Variants in GVQW3 observed in about 807,000 individuals in gnomAD.
GVQW3 encodes GVQW motif containing 3.
A neutral mutation model predicts 12.5 loss-of-function variants in GVQW3; 7 were observed. The observed-to-expected ratio is 0.56, with a 90% CI of 0.32 to 1.05. The LOEUF (loss-of-function observed/expected upper bound fraction) is 1.05, where lower values mean the gene tolerates loss of function less well. Ranked by LOEUF, GVQW3 falls within the 50% of genes least tolerant of loss-of-function variation. The pLI, the probability that GVQW3 is intolerant of heterozygous loss-of-function variation, is 0.04. For missense variants in GVQW3, 188 were observed against 190.8 expected (o/e 0.99, Z 0.09); for synonymous variants, 71 against 67.2 (o/e 1.06, Z -0.28).
chr11:76,383,260 C>A (rs1338597115), intron 1 of GVQW3: 1 of 152,158 alleles, frequency 6.6e-6, no homozygotes, highest in East Asian at 1.9e-4. Flanking sequence ...ACACAGCAGC[C>A]TGTTTTTAGT....
Position 76,381,502 on chromosome 11 carries a change from C to A in GVQW3, c.-327C>A, listed in dbSNP as rs1286067944. The A allele has an allele frequency of 1.1e-5, 3 of 263,614 alleles. No homozygotes were observed. The highest frequency in any genetic ancestry group is 2.2e-5 in the Non-Finnish European group (3 of 137,886). The allele number at this position is 263,614 out of a possible 1,614,324, so 16.3% of individuals were successfully genotyped here. A position where few individuals can be genotyped will look rare whatever the true frequency, so the allele number is the denominator to read the frequency against. On this transcript the variant is annotated 5_prime_UTR_variant, in exon 1 of 2. Coordinates refer to ENST00000529331, the MANE Select transcript of GVQW3 (RefSeq NM_001347885.2). The stretch of plus-strand genomic sequence containing the variant: ...TTTCTTGCAGAATTCGCCATATACT[C>A]CTTAAGGGCCGCGGAATCGGAGCGA...
At chr11:76,402,214 T>G (rs753617333) in intron 1 of GVQW3, among the ~76,000 whole-genome samples, 1 of 152,174 alleles carries the variant, frequency 6.6e-6, no homozygotes, top group African/African-American at 2.4e-5. Context: ...TCATTTCTGA[T>G]GTCTAGAAAT....
At chr11:76,386,615 C>G (rs569644246) in intron 1 of GVQW3, among the ~76,000 whole-genome samples, 2 of 152,304 alleles carry the variant, frequency 1.3e-5, no homozygotes, top group South Asian at 4.1e-4. Context: ...CAGAGAGTTT[C>G]ACTAGGCTCG....
intron 1 of GVQW3, among the ~76,000 whole-genome samples, chr11:76,401,641 C>T (rs1325724687): frequency 6.6e-6 from 1 of 151,770 alleles, no homozygotes; most frequent in Non-Finnish European, 1.5e-5. Context: ...GGCATGGTGG[C>T]GCATGCCTGT....
Position 76,381,852 on chromosome 11 carries a change from A to G in GVQW3, c.24A>G (p.Gln8=). 1 of 1,534,912 alleles carries G rather than the reference A, an allele frequency of 6.5e-7. No individual in the cohort carries two copies. Among genetic ancestry groups the G allele is most frequent in the Non-Finnish European group, 8.7e-7 (1 of 1,146,274 alleles). ...GAATGAGTGACCGCTATTTAGAACA[A>G]AGGATTAGTATCAAATTTTGCGTGA... MSDRYLE[Q]RISIKFCVKL... is the part of the protein sequence containing the mutation. Residue 8 remains glutamine, a synonymous_variant, in exon 1 of 2, where the codon CAA becomes CAG. Transcript: ENST00000529331.
At chr11:76,401,773 CAAAAAAAAA>C (rs5792720) in intron 1 of GVQW3, among the ~76,000 whole-genome samples, 1 of 88,946 alleles carries the variant, frequency 1.1e-5, no homozygotes, top group Non-Finnish European at 2.3e-5. Context: ...AACTCTGTCT[CAAAAAAAAA>C]AAAAAAAAAG....
rs914552729 is a variant in GVQW3 at position 76,406,196 on chromosome 11, C to T, written c.*2438C>T. 2 of 152,388 alleles carry T rather than the reference C, an allele frequency of 1.3e-5. No individual in the cohort carries two copies. Among genetic ancestry groups the T allele is most frequent in the African/African-American group, 4.8e-5 (2 of 41,454 alleles). The allele number at this position is 152,388 out of a possible 1,614,324, so 9.4% of individuals were successfully genotyped here. ...CCCTGTTGCCCACTCTGGTCTCAAA[C>T]TCCTGGGCTCAACCAATCTGCCCAC... On this transcript the variant is annotated 3_prime_UTR_variant, in exon 2 of 2. Coordinates refer to ENST00000529331, the MANE Select transcript of GVQW3 (RefSeq NM_001347885.2).
At position 76,407,806 on chromosome 11, in the gene GVQW3, GA is replaced by G. The variant is rs1947056435; in HGVS notation, c.*4051del. 5 of 152,028 alleles carry G rather than the reference GA, an allele frequency of 3.3e-5. No individual in the cohort carries two copies. The South Asian group carries it at 1.0e-3, about 31-fold the overall frequency. The allele number at this position is 152,028 out of a possible 1,614,324, so 9.4% of individuals were successfully genotyped here. ...GAAAATTACAGCATACTCATTAAGT[GA>G]AATAATGCAGCTATTTAAGATGATG... On this transcript the variant is annotated 3_prime_UTR_variant, in exon 2 of 2. Coordinates refer to ENST00000529331, the MANE Select transcript of GVQW3 (RefSeq NM_001347885.2).
chr11:76,412,150 G>A (rs1323387731), downstream of GVQW3: 1 of 152,232 alleles, frequency 6.6e-6, no homozygotes, highest in East Asian at 1.9e-4. Context: ...GCCAGACATT[G>A]TGTGAGGGAT....
At chr11:76,391,601 C>T (rs1263802095) in intron 1 of GVQW3, among the ~76,000 whole-genome samples, 1 of 152,206 alleles carries the variant, frequency 6.6e-6, no homozygotes, top group Non-Finnish European at 1.5e-5. Context: ...CAGAAGTCCA[C>T]TCCTAGAGTT....
chr11:76,403,797 A>G lies in GVQW3; in HGVS notation c.*39A>G, dbSNP rs552177832. 4 of 613,860 alleles carry G rather than the reference A, an allele frequency of 6.5e-6. No individual in the cohort carries two copies. The South Asian group carries it at 7.4e-5, about 11-fold the overall frequency. The allele number at this position is 613,860 out of a possible 1,614,324, so 38.0% of individuals were successfully genotyped here. On this transcript the variant is annotated 3_prime_UTR_variant, in exon 2 of 2. Coordinates refer to ENST00000529331, the MANE Select transcript of GVQW3 (RefSeq NM_001347885.2). The stretch of plus-strand genomic sequence containing the variant: ...GCCAAAACCAGGAGTTCAATGGTGT[A>G]AATTCCAGTCTGAGTCCACAGGCCG...
chr11:76,384,730 T>A lies in GVQW3; in HGVS notation c.465+2437T>A, dbSNP rs78702885. 6.5e-3 allele frequency among the ~76,000 whole-genome samples: 988 copies of A among 152,336 alleles called. 2 individuals carry two copies. The highest frequency in any genetic ancestry group is 0.01 in the Non-Finnish European group (695 of 68,038). ...AAACAACAGCTTATAGACCTCCAGC[T>A]CCTTAACAGTTTCTAGACATTCCAT... On this transcript the variant is annotated intron_variant, in intron 1 of 1. Coordinates refer to ENST00000529331, the MANE Select transcript of GVQW3 (RefSeq NM_001347885.2).
intron 1 of GVQW3, among the ~76,000 whole-genome samples, chr11:76,403,401 G>C (rs1947009720): frequency 6.6e-6 from 1 of 152,210 alleles, no homozygotes; most frequent in Non-Finnish European, 1.5e-5. Flanking sequence ...CTGGAGCCCA[G>C]GAAAGCCAAT....
rs571105703 is a variant in GVQW3, at chr11:76,413,787, A to G, written c.*2686A>G. 13 of 151,816 alleles carry G rather than the reference A, an allele frequency of 8.6e-5. 1 individual carries two copies. In the South Asian group the frequency reaches 2.5e-3, roughly 29 times the overall value. The allele number at this position is 151,816 out of a possible 1,614,324, so 9.4% of individuals were successfully genotyped here. A position where few individuals can be genotyped will look rare whatever the true frequency, so the allele number is the denominator to read the frequency against. ...TGAATTTGCTATCTTTTACTTAAGT[A>G]TTTTCCTCTGATGAAACTTTTGTTT... On this transcript the variant is annotated 3_prime_UTR_variant, in exon 2 of 2. Coordinates refer to the GVQW3 transcript ENST00000662483.
At position 76,391,932 on chromosome 11, in the gene GVQW3, C is replaced by T. The variant is rs753443156; in HGVS notation, c.465+9639C>T. On this transcript the variant is annotated intron_variant, in intron 1 of 1. Transcript: ENST00000529331. ...TCGTGCCATTGCACTCCAGCCCGGG[C>T]GACAGAGTGAGACTCTGTCTCAAAA... is the stretch of plus-strand genomic sequence containing the variant. Among the ~76,000 whole-genome samples, 90 of 152,056 alleles carry T rather than the reference C, an allele frequency of 5.9e-4. 1 individual carries two copies. Among genetic ancestry groups the T allele is most frequent in the Admixed American group, 1.6e-3 (25 of 15,270 alleles).
At chr11:76,412,647 C>G (rs1163688408), downstream of GVQW3, 1 of 152,236 alleles carries the variant, frequency 6.6e-6, no homozygotes, top group Non-Finnish European at 1.5e-5. Flanking sequence ...CACACTGGCC[C>G]TTCCTCCAGC....
intron 1 of GVQW3, among the ~76,000 whole-genome samples, chr11:76,399,820 T>G (rs1442507703): frequency 6.6e-6 from 1 of 152,066 alleles, no homozygotes; most frequent in African/African-American, 2.4e-5. Flanking sequence ...ATTGCAGGAT[T>G]TTGAACTGGA....
intron 1 of GVQW3, among the ~76,000 whole-genome samples, chr11:76,401,513 C>T (rs552690262): frequency 7.9e-5 from 12 of 152,128 alleles, no homozygotes; most frequent in Middle Eastern, 6.8e-3. Context: ...GTGGCTCACG[C>T]CTGTAGTCCC....
chr11:76,410,129 C>T (rs1376775866), downstream of GVQW3, among the ~76,000 whole-genome samples: 1 of 152,126 alleles, frequency 6.6e-6, no homozygotes, highest in Non-Finnish European at 1.5e-5. Context: ...GTAGTGCACA[C>T]CTGTAGCCCT....
Sources: gnomAD v4.1 joint callset for allele counts (sites outside exome capture counted in the v4.1 genomes callset) on GRCh38, gnomAD v4.1.1 for gene constraint, MANE v1.5 for transcripts, NCBI Gene and HGNC (gene_info 2026-07-23, HGNC 2026-07-21) for gene names.